AFDN: variants seen among roughly 807,000 people sequenced by gnomAD.
AFDN encodes the protein afadin, adherens junction formation factor.
In AFDN, 68 loss-of-function variants were observed where a neutral mutation model predicts 216.6. That is an observed-to-expected ratio of 0.31 (90% CI 0.26 to 0.38). The LOEUF (loss-of-function observed/expected upper bound fraction) is 0.38. AFDN is among the 10% of genes least tolerant of loss of function. The probability of loss-of-function intolerance (pLI) is 1.00; values close to 1 mark genes in which losing one functional copy is unlikely to be tolerated. For synonymous variants in AFDN, 868 were observed against 853.7 expected (o/e 1.02, Z -0.29); for missense variants, 2,136 against 2,342.0 (o/e 0.91, Z 1.82).
chr6:167,955,417 T>C (rs901094027), intron 30 of AFDN, among the ~76,000 whole-genome samples: 37 of 152,192 alleles, frequency 2.4e-4, no homozygotes, highest in Non-Finnish European at 4.9e-4. Context: ...TTTTTTTACA[T>C]GAAACAAAGA....
intron 1 of AFDN, among the ~76,000 whole-genome samples, chr6:167,840,387 T>C (rs1256782137): frequency 2.6e-5 from 4 of 152,254 alleles, no homozygotes; most frequent in Middle Eastern, 3.4e-3. Context: ...AGTTTGACCA[T>C]GTGACTTTCT....
At chr6:167,848,593 T>C (rs1781956935) in intron 1 of AFDN, among the ~76,000 whole-genome samples, 2 of 152,196 alleles carry the variant, frequency 1.3e-5, no homozygotes, top group South Asian at 4.1e-4. Flanking sequence ...ATTTTTAGGA[T>C]GAATACCTAG....
At chr6:167,936,862 C>T (rs906527744) in intron 23 of AFDN, among the ~76,000 whole-genome samples, 1 of 152,178 alleles carries the variant, frequency 6.6e-6, no homozygotes, top group Admixed American at 6.5e-5. Context: ...GGTAATTGCC[C>T]ATATTGATGT....
chr6:167,963,927 G>C (rs1208589001), intron 31 of AFDN: 1 of 1,064,544 alleles, frequency 9.4e-7, no homozygotes, highest in African/African-American at 1.6e-5. Flanking sequence ...TTCCAGGTCA[G>C]TGCCAGCTTG....
rs114650537 is a variant in AFDN at position 167,956,306 on chromosome 6, A to T, written c.4833+4119A>T. On this transcript the variant is annotated intron_variant, in intron 30 of 33. Coordinates refer to ENST00000683244, the MANE Select transcript of AFDN (RefSeq NM_001386888.1). ...GATATTTTCTTAGACACATCACAGG[A>T]TTTTCAGGTAGGTAATTAGAGAAAT... 4.2e-3 allele frequency among the ~76,000 whole-genome samples: 631 copies of T among 152,016 alleles called. 6 individuals are homozygous for T. Among genetic ancestry groups the T allele is most frequent in the African/African-American group, 0.015 (612 of 41,454 alleles).
At chr6:167,920,360 G>T (rs1229505025) in intron 21 of AFDN, among the ~76,000 whole-genome samples, 7 of 152,158 alleles carry the variant, frequency 4.6e-5, no homozygotes, top group Non-Finnish European at 8.8e-5. Context: ...CCACACACTG[G>T]TGGACCCAGA....
intron 31 of AFDN, chr6:167,964,064 GT>G: frequency 9.4e-7 from 1 of 1,064,402 alleles, no homozygotes; most frequent in Non-Finnish European, 1.1e-6. Flanking sequence ...ACCAGGCCAT[GT>G]TTTTCCTGTG....
intron 1 of AFDN, among the ~76,000 whole-genome samples, chr6:167,839,431 A>G (rs1232434719): frequency 1.3e-5 from 2 of 151,320 alleles, no homozygotes; most frequent in African/African-American, 4.9e-5. Flanking sequence ...AATTGTAGGG[A>G]TTTATATGAG....
At position 167,856,218 on chromosome 6, in the gene AFDN, C is replaced by T. The variant is rs567203689; in HGVS notation, c.106-8333C>T. On this transcript the variant is annotated intron_variant, in intron 1 of 33. Coordinates refer to ENST00000683244, the MANE Select transcript of AFDN (RefSeq NM_001386888.1). ...GCCACAAAATGCAAGAGGGGTGATG[C>T]TGACATATTGTTATAACTGTTCTAG... Among the ~76,000 whole-genome samples the T allele has an allele frequency of 3.9e-5, 6 of 152,234 alleles. No homozygotes were observed. The East Asian group carries it at 1.2e-3, about 29-fold the overall frequency.
intron 11 of AFDN, 143 bp from the exon 12 acceptor site, chr6:167,902,174 G>T (rs1366337017): frequency 1.4e-5 from 7 of 516,566 alleles, no homozygotes; most frequent in Admixed American, 1.0e-4. Context: ...TTTTAATTCT[G>T]TAAGTTCGTG....
At chr6:167,912,772 A>T (rs73032775) in intron 15 of AFDN, among the ~76,000 whole-genome samples, 11,260 of 152,264 alleles carry the variant, frequency 0.074, 564 homozygotes, top group Non-Finnish European at 0.11. Flanking sequence ...TTATCAAACA[A>T]GTCTTTTAAA....
chr6:167,883,228 T>C (rs966132842), intron 6 of AFDN, among the ~76,000 whole-genome samples: 2 of 152,040 alleles, frequency 1.3e-5, no homozygotes, highest in Admixed American at 1.3e-4. Flanking sequence ...CGGCACACAC[T>C]TGAGATTGGA....
intron 2 of AFDN, 30 bp from the exon 3 acceptor site, chr6:167,870,356 T>C (rs1488351572): frequency 7.1e-7 from 1 of 1,407,012 alleles, no homozygotes. Context: ...CCATAGCTTA[T>C]TCTTTTTTTC....
chr6:167,966,193 A>G lies in AFDN; in HGVS notation c.5257+148A>G, dbSNP rs1196623129. 3.3e-6 allele frequency: 5 copies of G among 1,534,160 alleles called. No homozygotes were observed. In the Admixed American group the frequency reaches 9.8e-5, roughly 30 times the overall value. The stretch of plus-strand genomic sequence containing the variant: ...TTCCAGCCACCCTCAGCCAAAGCCA[A>G]CAGTACTGCTCACAAAAAAGGCCAG... On this transcript the variant is annotated intron_variant, in intron 32 of 33. Coordinates refer to ENST00000683244, the MANE Select transcript of AFDN (RefSeq NM_001386888.1).
At position 167,918,792 on chromosome 6, in the gene AFDN, A is replaced by C; in HGVS notation, c.2767A>C (p.Ser923Arg). 6.2e-7 allele frequency: 1 copy of C among 1,613,684 alleles called. No individual in the cohort carries two copies. Among genetic ancestry groups the C allele is most frequent in the Non-Finnish European group, 8.5e-7 (1 of 1,179,714 alleles). The change falls in exon 21 of 34, where the codon AGT becomes CGT. Residue 923 changes from serine to arginine, a missense_variant. Ser to Arg is a moderately radical substitution (Grantham distance 110). This residue lies in a region of AFDN where 162 missense variants were observed against 182.6 expected (regional missense o/e 0.89). Transcript: ENST00000683244. ...AENTADELAR[S>R]DGREVQLEED... ...AAACACTGCCGATGAGCTGGCCCGC[A>C]GTGATGGAAGGGAAGTGCAGTTGGA...
intron 1 of AFDN, among the ~76,000 whole-genome samples, chr6:167,846,053 A>G (rs905671165): frequency 2.8e-4 from 43 of 152,004 alleles, no homozygotes; most frequent in African/African-American, 9.2e-4. Context: ...CCATGATCCA[A>G]TCACTTCCCT....
At position 167,948,341 on chromosome 6, in the gene AFDN, A is replaced by G; in HGVS notation, c.3694A>G (p.Thr1232Ala). ...TGAAGCCTACCCCATCCCCACTCAG[A>G]CGTACACCAGAGAGTATTTTACCTT... is the stretch of plus-strand genomic sequence containing the variant. Reference protein sequence around the residue: ...RPEAYPIPTQTYTREYFTFPA... With the variant: ...RPEAYPIPTQAYTREYFTFPA... The change falls in exon 29 of 34, where the codon ACG becomes GCG. Residue 1232 changes from threonine to alanine, a missense_variant. Coordinates refer to ENST00000683244, the MANE Select transcript of AFDN (RefSeq NM_001386888.1). 1.2e-6 allele frequency: 2 copies of G among 1,614,134 alleles called. No individual in the cohort carries two copies. Among genetic ancestry groups the G allele is most frequent in the African/African-American group, 1.3e-5 (1 of 75,022 alleles).
At chr6:167,961,884 G>A (rs1438400394) in intron 30 of AFDN, among the ~76,000 whole-genome samples, 1 of 152,192 alleles carries the variant, frequency 6.6e-6, no homozygotes, top group Non-Finnish European at 1.5e-5. Context: ...GGGCAGAGGA[G>A]AGAGAGTGGC....
chr6:167,927,694 G>C (rs1392517071), intron 23 of AFDN, among the ~76,000 whole-genome samples: 1 of 152,178 alleles, frequency 6.6e-6, no homozygotes, highest in East Asian at 1.9e-4. Flanking sequence ...GGGTTCACCT[G>C]TGCAGGCAGA....
Sources: gnomAD v4.1 joint callset for allele counts (sites outside exome capture counted in the v4.1 genomes callset) on GRCh38, gnomAD v4.1.1 for gene constraint, gnomAD v4.1.1 regional missense constraint, MANE v1.5 for transcripts, NCBI Gene and HGNC (gene_info 2026-07-23, HGNC 2026-07-21) for gene names.